SLC22A25: variants seen among roughly 807,000 people sequenced by gnomAD.
SLC22A25 encodes solute carrier family 22 member 25.
A neutral mutation model predicts 45.9 loss-of-function variants in SLC22A25; 44 were observed. The ratio of observed to expected loss-of-function variants is 0.96; its 90% CI spans 0.75 to 1.23. The LOEUF (loss-of-function observed/expected upper bound fraction) is 1.23. Ranked by LOEUF, SLC22A25 falls within the 50% of genes most tolerant of loss-of-function variation. The probability of loss-of-function intolerance (pLI) is 0.00; values close to 1 mark genes in which losing one functional copy is unlikely to be tolerated. For synonymous variants in SLC22A25, 283 were observed against 238.6 expected, an observed-to-expected ratio of 1.19 and a Z score of -1.72; for missense variants, 800 against 666.4, an observed-to-expected ratio of 1.20 and a Z score of -2.21.
At chr11:63,199,580 C>T (rs756535648) in intron 7 of SLC22A25, among the ~76,000 whole-genome samples, 5 of 152,096 alleles carry the variant, frequency 3.3e-5, no homozygotes, top group Admixed American at 6.6e-5. Context: ...GCTGCCCTCA[C>T]TTGAACCAAA....
chr11:63,191,055 C>G (rs1359987504), intron 7 of SLC22A25, among the ~76,000 whole-genome samples: 4 of 152,182 alleles, frequency 2.6e-5, no homozygotes, highest in South Asian at 2.1e-4. Context: ...GCTGGGAGAA[C>G]CACTACTCTC....
rs568483348 is a variant in SLC22A25, at chr11:63,191,282, A to T, written c.831-7465T>A. On this transcript the variant is annotated intron_variant, in intron 7 of 11. Coordinates refer to ENST00000306494, the MANE Select transcript of SLC22A25 (RefSeq NM_199352.6). The stretch of plus-strand genomic sequence containing the variant: ...TCCCCCAGCCTCGCTGCCACCTTGC[A>T]GTTTGATCTCAGACTGCTGTGCTAG... Among the ~76,000 whole-genome samples the T allele has an allele frequency of 2.6e-5, 4 of 152,304 alleles. No individual in the cohort carries two copies. The East Asian group carries it at 7.7e-4, about 29-fold the overall frequency.
At chr11:63,210,973 T>A (rs2089542192) in intron 7 of SLC22A25, among the ~76,000 whole-genome samples, 1 of 151,958 alleles carries the variant, frequency 6.6e-6, no homozygotes, top group South Asian at 2.1e-4. Flanking sequence ...GAGATAGAGG[T>A]GCTAAAGGCA....
In SLC22A25 at chr11:63,191,149, A is replaced by G. The variant is rs563710576; in HGVS notation, c.831-7332T>C. The stretch of plus-strand genomic sequence containing the variant: ...GGCTATACCCTGCCCTGAGATGTGG[A>G]GTCTACAAAGGCAGGCAGGCCTCCT... On this transcript the variant is annotated intron_variant, in intron 7 of 11. Transcript: ENST00000306494. 2.0e-5 allele frequency among the ~76,000 whole-genome samples: 3 copies of G among 152,308 alleles called. No homozygotes were observed. The South Asian group carries it at 6.2e-4, about 32-fold the overall frequency.
chr11:63,186,867 T>A (rs2088573301), intron 7 of SLC22A25, among the ~76,000 whole-genome samples: 1 of 152,132 alleles, frequency 6.6e-6, no homozygotes, highest in Non-Finnish European at 1.5e-5. Flanking sequence ...ATATGTGGCA[T>A]TATTTCTGAG....
chr11:63,187,780 G>T (rs1015769802), intron 7 of SLC22A25, among the ~76,000 whole-genome samples: 5 of 152,034 alleles, frequency 3.3e-5, no homozygotes, highest in African/African-American at 7.2e-5. Context: ...ATCAAAGGCC[G>T]TTTCTGCATC....
chr11:63,224,996 G>A (rs2089929455), intron 5 of SLC22A25, among the ~76,000 whole-genome samples: 1 of 152,178 alleles, frequency 6.6e-6, no homozygotes, highest in Admixed American at 6.5e-5. Context: ...CTATTCGGGA[G>A]GCTGAGGCAG....
chr11:63,235,810 G>C (rs1208492825), intron 3 of SLC22A25, among the ~76,000 whole-genome samples: 1 of 152,156 alleles, frequency 6.6e-6, no homozygotes, highest in Non-Finnish European at 1.5e-5. Context: ...GTGACGTACA[G>C]ATGGGTTTTT....
chr11:63,196,668 T>C (rs956858024), intron 7 of SLC22A25, among the ~76,000 whole-genome samples: 4 of 152,132 alleles, frequency 2.6e-5, no homozygotes, highest in African/African-American at 7.2e-5. Context: ...GGGCAAAAAC[T>C]GGAAGCATTC....
intron 7 of SLC22A25, among the ~76,000 whole-genome samples, chr11:63,210,840 G>A (rs182833422): frequency 2.6e-5 from 4 of 152,292 alleles, no homozygotes; most frequent in Admixed American, 2.6e-4. Flanking sequence ...TGTTATTGGG[G>A]CACAAAAAGT....
Position 63,229,377 on chromosome 11 carries a change from G to T in SLC22A25, c.276C>A (p.Val92=). The T allele has an allele frequency of 6.2e-7, 1 of 1,614,108 alleles. No individual in the cohort carries two copies. The highest frequency in any genetic ancestry group is 1.3e-5 in the African/African-American group (1 of 75,058). ...NLRPEKCRRF[V]HPQWKLIHLN... is the part of the protein sequence containing the mutation. ...GATGAATGAGCTTCCACTGGGGATG[G>T]ACAAAGCGACGACACTTCTCTGGCC... The change falls in exon 4 of 12, where the codon GTC becomes GTA. Residue 92 remains valine (V), a synonymous_variant. Coordinates refer to ENST00000306494, the MANE Select transcript of SLC22A25 (RefSeq NM_199352.6).
intron 11 of SLC22A25, among the ~76,000 whole-genome samples, 197 bp from the exon 12 acceptor site, chr11:63,164,270 A>G (rs577109303): frequency 6.6e-6 from 1 of 152,342 alleles, no homozygotes; most frequent in East Asian, 1.9e-4. Flanking sequence ...TTTATCATTT[A>G]CAAAATGCTA....
intron 1 of SLC22A25, among the ~76,000 whole-genome samples, chr11:63,240,757 C>G (rs1294498305): frequency 6.6e-6 from 1 of 152,200 alleles, no homozygotes; most frequent in Non-Finnish European, 1.5e-5. Flanking sequence ...TTTCCATCTT[C>G]ACATCTTGTC....
chr11:63,231,977 G>A (rs1385120460), intron 3 of SLC22A25, among the ~76,000 whole-genome samples: 1 of 152,140 alleles, frequency 6.6e-6, no homozygotes, highest in African/African-American at 2.4e-5. Context: ...GCTCTGTTCT[G>A]TTCCGTTGGT....
chr11:63,185,912 A>C (rs1038526407), intron 7 of SLC22A25, among the ~76,000 whole-genome samples: 1 of 150,570 alleles, frequency 6.6e-6, no homozygotes, highest in Non-Finnish European at 1.5e-5. Flanking sequence ...CATGGTGTAT[A>C]TGTGCCACAT....
intron 9 of SLC22A25, among the ~76,000 whole-genome samples, chr11:63,169,383 A>G (rs2087796982): frequency 6.6e-6 from 1 of 152,180 alleles, no homozygotes; most frequent in South Asian, 2.1e-4. Context: ...CAAATTGCAT[A>G]GAGTCAAGAC....
chr11:63,239,530 A>T (rs945933533), intron 1 of SLC22A25, among the ~76,000 whole-genome samples: 1 of 152,218 alleles, frequency 6.6e-6, no homozygotes, highest in African/African-American at 2.4e-5. Flanking sequence ...ATCAAAAGGG[A>T]TGCACTTTTA....
At chr11:63,212,417 C>G (rs928733980) in intron 7 of SLC22A25, among the ~76,000 whole-genome samples, 4 of 152,146 alleles carry the variant, frequency 2.6e-5, no homozygotes, top group African/African-American at 9.7e-5. Context: ...GGAACCAACC[C>G]AAATGTCCAC....
At chr11:63,187,134 G>C (rs987115511) in intron 7 of SLC22A25, among the ~76,000 whole-genome samples, 2 of 152,150 alleles carry the variant, frequency 1.3e-5, no homozygotes, top group Admixed American at 1.3e-4. Context: ...ATTACCTTGG[G>C]CAGTATGGCC....
Sources: allele counts gnomAD v4.1 joint callset (sites outside exome capture counted in the v4.1 genomes callset), GRCh38; gene constraint gnomAD v4.1.1; transcripts MANE v1.5; gene names NCBI Gene and HGNC (gene_info 2026-07-23, HGNC 2026-07-21).